PRKCE: variants seen among roughly 807,000 people sequenced by gnomAD.
PRKCE encodes protein kinase C epsilon type.
A neutral mutation model predicts 85.4 loss-of-function variants in PRKCE; 16 were observed. The ratio of observed to expected loss-of-function variants is 0.19; its 90% confidence interval spans 0.13 to 0.28. The LOEUF (loss-of-function observed/expected upper bound fraction) is 0.28, where lower values mean the gene tolerates loss of function less well. PRKCE is among the 10% of genes least tolerant of loss of function. The probability of loss-of-function intolerance (pLI) is 1.00; values close to 1 mark genes in which losing one functional copy is unlikely to be tolerated. For synonymous variants in PRKCE, 388 were observed against 371.5 expected, an observed-to-expected ratio of 1.04 and a Z score of -0.51; for missense variants, 573 against 975.2, an observed-to-expected ratio of 0.59 and a Z score of 5.49.
intron 1 of PRKCE, among the ~76,000 whole-genome samples, chr2:45,680,404 C>T (rs1676796461): frequency 6.6e-6 from 1 of 152,226 alleles, no homozygotes; most frequent in African/African-American, 2.4e-5. Flanking sequence ...AATTACACTT[C>T]TGATAACCTA....
intron 6 of PRKCE, among the ~76,000 whole-genome samples, chr2:45,989,890 G>C (rs1189087001): frequency 3.3e-5 from 5 of 152,180 alleles, no homozygotes; most frequent in South Asian, 2.1e-4. Flanking sequence ...AATATTAAAG[G>C]CTTTCTTTAT....
chr2:45,950,751 A>C (rs2104329423), intron 2 of PRKCE, among the ~76,000 whole-genome samples: 1 of 152,206 alleles, frequency 6.6e-6, no homozygotes, highest in East Asian at 1.9e-4. Context: ...GTGTCTGCCA[A>C]GTGTCTGTTG....
At position 46,184,869 on chromosome 2, in the gene PRKCE, C is replaced by T. The variant is rs1314854021; in HGVS notation, c.2202C>T (p.Asp734=). 3 of 1,599,756 alleles carry T rather than the reference C, an allele frequency of 1.9e-6. No individual in the cohort carries two copies. The highest frequency in any genetic ancestry group is 2.5e-6 in the Non-Finnish European group (3 of 1,179,946). The change falls in exon 15 of 15, where the codon GAC becomes GAT. Residue 734 remains aspartate, a synonymous_variant. Coordinates refer to ENST00000306156, the MANE Select transcript of PRKCE (RefSeq NM_005400.3). The surrounding 1 kb of genome is among the most constrained non-coding windows in gnomAD (Gnocchi z 5.0). ...AAGGTTTCTCCTACTTTGGTGAAGA[C>T]CTGATGCCCTGAGAGCCCACTGCAG... ...EFKGFSYFGE[D]LMP
chr2:45,936,355 G>T (rs1465866041), intron 2 of PRKCE, among the ~76,000 whole-genome samples: 2 of 152,190 alleles, frequency 1.3e-5, no homozygotes, highest in African/African-American at 4.8e-5. Context: ...CTGGGAACAT[G>T]CTTAGAAAGT....
At chr2:46,092,215 A>G (rs1670232179) in intron 11 of PRKCE, among the ~76,000 whole-genome samples, 1 of 152,258 alleles carries the variant, frequency 6.6e-6, no homozygotes, top group Non-Finnish European at 1.5e-5. Context: ...GTGGGAAATG[A>G]CAGAGCGTCT....
chr2:45,904,380 T>A (rs1254324485), intron 2 of PRKCE, among the ~76,000 whole-genome samples: 1 of 151,980 alleles, frequency 6.6e-6, no homozygotes, highest in Non-Finnish European at 1.5e-5. Flanking sequence ...CCAGGGCAAA[T>A]CACAGGGGGA....
At chr2:45,954,052 C>G (rs1193440913) in intron 2 of PRKCE, among the ~76,000 whole-genome samples, 1 of 152,192 alleles carries the variant, frequency 6.6e-6, no homozygotes, top group Non-Finnish European at 1.5e-5. Context: ...TTTAAAAAGA[C>G]TTTCAAATGT....
At chr2:45,722,955 G>A (rs1444247123) in intron 1 of PRKCE, among the ~76,000 whole-genome samples, 1 of 152,136 alleles carries the variant, frequency 6.6e-6, no homozygotes, top group African/African-American at 2.4e-5. Flanking sequence ...ACAAAAATTA[G>A]CCGGGTGTGG....
Position 45,974,076 on chromosome 2 carries a change from T to G in PRKCE, c.413-2353T>G, listed in dbSNP as rs80155594. ...CCCAGGATGATGTTTCTGGATTGGA[T>G]TTTTGTAGGTAAGTTTGTAGCAAGT... On this transcript the variant is annotated intron_variant, in intron 2 of 14. Transcript: ENST00000306156. Among the ~76,000 whole-genome samples the G allele has an allele frequency of 5.4e-3, 821 of 152,288 alleles. 3 individuals carry two copies. Among genetic ancestry groups the G allele is most frequent in the Non-Finnish European group, 8.6e-3 (582 of 68,016 alleles).
chr2:45,744,509 TTTCTTTCTTTCTTTCTTTTTCTTTCC>T lies in PRKCE; in HGVS notation c.348+92079_348+92104del, dbSNP rs1558624048. 6.0e-3 allele frequency among the ~76,000 whole-genome samples: 407 copies of T among 68,090 alleles called. 17 individuals are homozygous for T. Among genetic ancestry groups the T allele is most frequent in the Middle Eastern group, 0.026 (3 of 114 alleles). 44.7% of individuals were successfully genotyped at this position (68,090 alleles called of 152,430 possible). On this transcript the variant is annotated intron_variant, in intron 1 of 14. Coordinates refer to ENST00000306156, the MANE Select transcript of PRKCE (RefSeq NM_005400.3). Reference sequence around the variant, plus strand: ...TCTTTTTCTTTCTTTCTTTTCTTTCTTTCTTTCTTTCTTTCTTTTTCTTTCCTTCTTTCTTTCTTTCTTCCTTCCTT... The same window carrying T: ...TCTTTTTCTTTCTTTCTTTTCTTTCTTTCTTTCTTTCTTTCTTCCTTCCTT...
intron 11 of PRKCE, among the ~76,000 whole-genome samples, chr2:46,089,114 G>T (rs768083879): frequency 4.6e-5 from 7 of 151,574 alleles, no homozygotes; most frequent in Non-Finnish European, 1.0e-4. Context: ...CCTTCCCATT[G>T]TCCTAACCAT....
chr2:46,044,896 G>A (rs190965953), intron 10 of PRKCE, among the ~76,000 whole-genome samples: 5 of 152,280 alleles, frequency 3.3e-5, no homozygotes, highest in East Asian at 1.9e-4. Flanking sequence ...TTCACTCCAC[G>A]TGGTGTGTGA....
At chr2:46,005,269 A>G (rs1470172473) in intron 8 of PRKCE, among the ~76,000 whole-genome samples, 1 of 152,194 alleles carries the variant, frequency 6.6e-6, no homozygotes, top group African/African-American at 2.4e-5. Context: ...CATAATTTGC[A>G]CAATAATAAT....
chr2:46,129,940 A>G lies in PRKCE; in HGVS notation c.1593-15153A>G, dbSNP rs150179108. The stretch of plus-strand genomic sequence containing the variant: ...AAAGAGCAGGTATGGTTGTGGGTGT[A>G]TATCTTAACAGCTAATCTCTGGCAA... On this transcript the variant is annotated intron_variant, in intron 11 of 14. Coordinates refer to ENST00000306156, the MANE Select transcript of PRKCE (RefSeq NM_005400.3). Among the ~76,000 whole-genome samples the G allele has an allele frequency of 1.4e-3, 210 of 152,372 alleles. 1 individual carries two copies. The highest frequency in any genetic ancestry group is 3.4e-3 in the Middle Eastern group (1 of 294).
intron 2 of PRKCE, among the ~76,000 whole-genome samples, chr2:45,975,094 C>T (rs1702356851): frequency 6.6e-6 from 1 of 152,150 alleles, no homozygotes; most frequent in Non-Finnish European, 1.5e-5. Flanking sequence ...TGGGCTTCCC[C>T]ACTGAGTAGC....
chr2:45,659,386 C>T (rs946731728), intron 1 of PRKCE, among the ~76,000 whole-genome samples: 3 of 152,196 alleles, frequency 2.0e-5, no homozygotes, highest in African/African-American at 7.2e-5. Flanking sequence ...ACATCCTTTC[C>T]ATACCTTTGC....
intron 2 of PRKCE, among the ~76,000 whole-genome samples, chr2:45,876,913 G>T (rs1431295848): frequency 6.6e-6 from 1 of 152,004 alleles, no homozygotes; most frequent in African/African-American, 2.4e-5. Flanking sequence ...CTTTTGAATT[G>T]AATTTAAATT....
intron 1 of PRKCE, among the ~76,000 whole-genome samples, chr2:45,661,530 GTTTTTTT>G (rs11406618): frequency 9.5e-6 from 1 of 104,816 alleles, no homozygotes; most frequent in African/African-American, 3.5e-5. Context: ...TTTGTTTTTT[GTTTTTTT>G]TTTTTTTTTT....
intron 1 of PRKCE, among the ~76,000 whole-genome samples, chr2:45,653,367 GTTGTTTTTTTTT>G (rs1217020374): frequency 2.5e-3 from 123 of 48,450 alleles, no homozygotes; most frequent in African/African-American, 7.9e-3. Context: ...TTGTTTTTGG[GTTGTTTTTTTTT>G]TTTTTTTTTT....
Sources: gnomAD v4.1 joint callset for allele counts (sites outside exome capture counted in the v4.1 genomes callset) on GRCh38, gnomAD v4.1.1 for gene constraint, Gnocchi (gnomAD v3.1) non-coding constraint, MANE v1.5 for transcripts, NCBI Gene and HGNC (gene_info 2026-07-23, HGNC 2026-07-21) for gene names.